Variants in PTGR2 observed in about 807,000 individuals in gnomAD.
PTGR2 encodes the protein prostaglandin reductase 2.
In PTGR2, 32 loss-of-function variants were observed where a neutral mutation model predicts 43.4. The observed-to-expected ratio is 0.74, with a 90% CI of 0.56 to 0.99. The LOEUF (loss-of-function observed/expected upper bound fraction) is 0.99, where lower values mean the gene tolerates loss of function less well. Among genes scored for constraint, PTGR2 ranks in the 50% least tolerant of loss-of-function variants. PTGR2 has a pLI of 0.00. For missense variants in PTGR2, 373 were observed against 420.0 expected, an observed-to-expected ratio of 0.89 and a Z score of 0.98; for synonymous variants, 106 against 139.2, an observed-to-expected ratio of 0.76 and a Z score of 1.68.
chr14:73,855,350 A>G (rs11626950), intron 1 of PTGR2, among the ~76,000 whole-genome samples: 1 of 151,862 alleles, frequency 6.6e-6, no homozygotes, highest in Non-Finnish European at 1.5e-5. Flanking sequence ...AGACAATGAC[A>G]GACGATGAGC....
chr14:73,879,332 T>A, intron 6 of PTGR2, 27 bp downstream of exon 6: 2 of 1,584,984 alleles, frequency 1.3e-6, no homozygotes, highest in Non-Finnish European at 1.7e-6. Flanking sequence ...TATAACAAAT[T>A]TGAATACTGC....
chr14:73,862,294 G>A (rs1024770870), intron 3 of PTGR2, among the ~76,000 whole-genome samples: 3 of 151,684 alleles, frequency 2.0e-5, no homozygotes, highest in Non-Finnish European at 2.9e-5. Context: ...TGCAAGCTCC[G>A]CCTCCCGGGT....
At chr14:73,854,188 C>T (rs1053565752) in intron 1 of PTGR2, among the ~76,000 whole-genome samples, 3 of 152,084 alleles carry the variant, frequency 2.0e-5, no homozygotes, top group Non-Finnish European at 2.9e-5. Flanking sequence ...CTGCAACCTC[C>T]GCTTCCCAGG....
intron 1 of PTGR2, among the ~76,000 whole-genome samples, chr14:73,856,240 A>T (rs1326907214): frequency 6.6e-6 from 1 of 151,628 alleles, no homozygotes; most frequent in Admixed American, 6.6e-5. Flanking sequence ...ACCATTTTAA[A>T]ATCTTTTTTG....
intron 3 of PTGR2, among the ~76,000 whole-genome samples, chr14:73,867,088 C>CAAAAAAAAAAAAAAAAAAA (rs200945001): frequency 1.0e-5 from 1 of 100,096 alleles, no homozygotes; most frequent in Non-Finnish European, 1.9e-5. Context: ...GACTCTGTCT[C>CAAAAAAAAAAAAAAAAAAA]AAAAAAAAAA....
Position 73,884,366 on chromosome 14 carries a change from A to G in PTGR2, c.*189A>G, listed in dbSNP as rs1470097116. 1 of 430,012 alleles carries G rather than the reference A, an allele frequency of 2.3e-6. No homozygotes were observed. Among genetic ancestry groups the G allele is most frequent in the Admixed American group, 4.4e-5 (1 of 22,478 alleles). 26.6% of individuals were successfully genotyped at this position (430,012 alleles called of 1,614,324 possible). A position where few individuals can be genotyped will look rare whatever the true frequency, so the allele number is the denominator to read the frequency against. ...ATACACAATAGGTTTTTAAAAATTA[A>G]TAACTTTTAGTAATTACTTTTATTA... On this transcript the variant is annotated 3_prime_UTR_variant, in exon 10 of 10. Transcript: ENST00000555661.
At chr14:73,864,369 C>T (rs775830039) in intron 3 of PTGR2, among the ~76,000 whole-genome samples, 1 of 152,220 alleles carries the variant, frequency 6.6e-6, no homozygotes, top group Admixed American at 6.5e-5. Flanking sequence ...AACTACCGAA[C>T]TATTTTCCAA....
intron 1 of PTGR2, among the ~76,000 whole-genome samples, chr14:73,852,573 G>A (rs193183784): frequency 1.3e-5 from 2 of 152,248 alleles, no homozygotes; most frequent in Admixed American, 1.3e-4. Context: ...ATTGAACAAA[G>A]CAGACGAGTC....
rs766873986 is a variant in PTGR2, at chr14:73,874,051, C to G, written c.185C>G (p.Thr62Ser). ...TGTAGAATGAATGAAGACACTGGCACTGATTATATAACACCTTGGCAGCTA... is the reference window on the plus strand; with the variant it reads ...TGTAGAATGAATGAAGACACTGGCAGTGATTATATAACACCTTGGCAGCTA... ...MRCRMNEDTG[T>S]DYITPWQLSQ... Residue 62 changes from threonine to serine, a missense_variant, in exon 4 of 10, where the codon ACT becomes AGT. Physicochemically the swap from Thr to Ser is moderately conservative, Grantham distance 58. Transcript: ENST00000555661. 1 of 1,609,992 alleles carries G rather than the reference C, an allele frequency of 6.2e-7. No individual in the cohort carries two copies. Among genetic ancestry groups the G allele is most frequent in the Non-Finnish European group, 8.5e-7 (1 of 1,178,734 alleles).
chr14:73,876,483 C>CTTTTTTTTTTTTTTTTTTT (rs766810794), intron 4 of PTGR2, among the ~76,000 whole-genome samples: 5 of 108,568 alleles, frequency 4.6e-5, no homozygotes, highest in Admixed American at 1.0e-4. Flanking sequence ...GACATAAGTC[C>CTTTTTTTTTTTTTTTTTTT]TTTTTTTTTT....
In PTGR2 at chr14:73,884,644, G is replaced by A. The variant is rs2055083553; in HGVS notation, c.*467G>A. ...AAACTTGGTGTAAAAATAGAATTGA[G>A]ATGGCCTTTTTTTCACATTGTAGAC... is the stretch of plus-strand genomic sequence containing the variant. On this transcript the variant is annotated 3_prime_UTR_variant, in exon 10 of 10. Transcript: ENST00000555661. 6.5e-6 allele frequency: 1 copy of A among 154,104 alleles called. No homozygotes were observed. Among genetic ancestry groups the A allele is most frequent in the South Asian group, 2.1e-4 (1 of 4,868 alleles). 9.5% of individuals were successfully genotyped at this position (154,104 alleles called of 1,614,324 possible). A position where few individuals can be genotyped will look rare whatever the true frequency, so the allele number is the denominator to read the frequency against.
chr14:73,873,106 G>A (rs891545062), intron 3 of PTGR2, among the ~76,000 whole-genome samples: 12 of 151,986 alleles, frequency 7.9e-5, no homozygotes, highest in African/African-American at 2.7e-4. Flanking sequence ...TTGGGAGTTC[G>A]AGACCAGCCT....
intron 4 of PTGR2, among the ~76,000 whole-genome samples, chr14:73,875,043 A>G (rs1230594262): frequency 6.6e-6 from 1 of 152,066 alleles, no homozygotes; most frequent in Non-Finnish European, 1.5e-5. Flanking sequence ...TATTTTTAGT[A>G]GAGATGGGGT....
Position 73,872,972 on chromosome 14 carries a change from C to CA in PTGR2, c.157-1037dup, listed in dbSNP as rs113631455. ...AGCCTGGGTGACAGAGACTCCATCT[C>CA]AAAAAAAAAAAAAATTTTTTTTATG... On this transcript the variant is annotated intron_variant, in intron 3 of 9. Transcript: ENST00000555661. Among the ~76,000 whole-genome samples, 307 of 135,612 alleles carry CA rather than the reference C, an allele frequency of 2.3e-3. 1 individual carries two copies. Among genetic ancestry groups the CA allele is most frequent in the African/African-American group, 6.4e-3 (237 of 37,000 alleles). The allele number at this position is 135,612 out of a possible 152,430, so 89.0% of individuals were successfully genotyped here. A position where few individuals can be genotyped will look rare whatever the true frequency, so the allele number is the denominator to read the frequency against.
Position 73,883,188 on chromosome 14 carries a change from C to CTTTTTTTTTTTTT in PTGR2, c.979+770_979+782dup, listed in dbSNP as rs58234739. ...CCTGCCCTTCCCTCCCCTCACCTCC[C>CTTTTTTTTTTTTT]TTTTTTTTTTTTTTTTTTTTTTTTT... On this transcript the variant is annotated intron_variant, in intron 9 of 9. Coordinates refer to ENST00000555661, the MANE Select transcript of PTGR2 (RefSeq NM_001146154.2). Among the ~76,000 whole-genome samples the CTTTTTTTTTTTTT allele has an allele frequency of 1.9e-3, 110 of 58,142 alleles. 8 individuals are homozygous for CTTTTTTTTTTTTT. The highest frequency in any genetic ancestry group is 9.3e-3 in the East Asian group (7 of 752). 38.1% of individuals were successfully genotyped at this position (58,142 alleles called of 152,430 possible). A position where few individuals can be genotyped will look rare whatever the true frequency, so the allele number is the denominator to read the frequency against.
At chr14:73,860,268 C>A (rs1002232941) in intron 2 of PTGR2, among the ~76,000 whole-genome samples, 3 of 151,856 alleles carry the variant, frequency 2.0e-5, no homozygotes, top group African/African-American at 7.3e-5. Flanking sequence ...GAATTTGAGA[C>A]CAGCCTGGCC....
chr14:73,875,379 T>C (rs1254802529), intron 4 of PTGR2, among the ~76,000 whole-genome samples: 1 of 151,814 alleles, frequency 6.6e-6, no homozygotes, highest in African/African-American at 2.4e-5. Flanking sequence ...AGAGTCTTGC[T>C]CTGTTGCCCA....
chr14:73,881,050 A>G (rs1001319090), intron 7 of PTGR2, among the ~76,000 whole-genome samples, 155 bp from the exon 8 acceptor site: 2 of 152,052 alleles, frequency 1.3e-5, no homozygotes, highest in African/African-American at 2.4e-5. Flanking sequence ...CTACATTTAC[A>G]CCTGTAACTA....
intron 8 of PTGR2, 118 bp from the exon 9 acceptor site, chr14:73,882,277 TAAAG>T (rs1349687457): frequency 1.5e-6 from 1 of 667,574 alleles, no homozygotes; most frequent in African/African-American, 1.8e-5. Context: ...CTACATGAAA[TAAAG>T]AATATCTATT....
Sources: gnomAD v4.1 joint callset for allele counts (sites outside exome capture counted in the v4.1 genomes callset) on GRCh38, gnomAD v4.1.1 for gene constraint, MANE v1.5 for transcripts, NCBI Gene and HGNC (gene_info 2026-07-23, HGNC 2026-07-21) for gene names.